The following WDR83 variants were observed in gnomAD, a reference collection of about 807,000 sequenced individuals.
WDR83 encodes WD repeat domain-containing protein 83.
A neutral mutation model predicts 37.7 loss-of-function variants in WDR83; 37 were observed. The observed-to-expected ratio is 0.98, with a 90% CI of 0.76 to 1.29. WDR83 has a LOEUF of 1.29. Among genes scored for constraint, WDR83 ranks in the 50% most tolerant of loss-of-function variants. The probability of loss-of-function intolerance (pLI) is 0.00; values close to 1 mark genes in which losing one functional copy is unlikely to be tolerated. For missense variants in WDR83, 445 were observed against 414.4 expected (o/e 1.07, Z -0.64); for synonymous variants, 174 against 181.1 (o/e 0.96, Z 0.31).
At chr19:12,668,980 C>G in intron 2 of WDR83, 2 of 805,552 alleles carry the variant, frequency 2.5e-6, no homozygotes, top group Admixed American at 4.6e-5. Context: ...CTGGGGCTTT[C>G]TCGGCCCAGC....
chr19:12,675,667 G>A lies in WDR83; in HGVS notation c.943G>A (p.Gly315Ser). The change falls in exon 11 of 11, where the codon GGC becomes AGC. Residue 315 changes from glycine (G) to serine (S), a missense_variant. Physicochemically the swap from Gly to Ser is moderately conservative, Grantham distance 56. Transcript: ENST00000418543. ...EEAYEAEDGA[G>S] The stretch of plus-strand genomic sequence containing the variant: ...GGCCTATGAGGCAGAGGATGGAGCA[G>A]GCTGAAGCCAGGGGACCCACCAACA... The A allele has an allele frequency of 6.2e-7, 1 of 1,600,632 alleles. No individual in the cohort carries two copies. The highest frequency in any genetic ancestry group is 8.5e-7 in the Non-Finnish European group (1 of 1,179,424).
rs1347857515 is a variant in WDR83, at chr19:12,675,630, C to T, written c.906C>T (p.Cys302=). ...LLTAMGGSVQ[C]WREEAYEAED... ...CCGCCATGGGAGGCAGCGTCCAGTG[C>T]TGGCGAGAGGAGGCCTATGAGGCAG... is the stretch of plus-strand genomic sequence containing the variant. Residue 302 remains cysteine, a synonymous_variant, in exon 11 of 11, where the codon TGC becomes TGT. Coordinates refer to ENST00000418543, the MANE Select transcript of WDR83 (RefSeq NM_001099737.3). 6.2e-7 allele frequency: 1 copy of T among 1,602,718 alleles called. No homozygotes were observed. The highest frequency in any genetic ancestry group is 8.5e-7 in the Non-Finnish European group (1 of 1,179,832).
intron 10 of WDR83, among the ~76,000 whole-genome samples, chr19:12,674,645 G>A (rs2024516428): frequency 6.6e-6 from 1 of 152,194 alleles, no homozygotes; most frequent in African/African-American, 2.4e-5. Flanking sequence ...ACCAGGGGAA[G>A]TGGGGATCAT....
intron 7 of WDR83, among the ~76,000 whole-genome samples, chr19:12,671,887 G>C (rs1245613907): frequency 1.3e-5 from 2 of 152,014 alleles, no homozygotes; most frequent in African/African-American, 4.8e-5. Flanking sequence ...TAGTAGAGAC[G>C]GGGTTTCGCC....
rs1435479291 is a variant in WDR83, at chr19:12,669,911, C to A, written c.103+18C>A. The A allele has an allele frequency of 6.2e-7, 1 of 1,601,458 alleles. No individual in the cohort carries two copies. Among genetic ancestry groups the A allele is most frequent in the Non-Finnish European group, 8.5e-7 (1 of 1,170,594 alleles). ...ATTTAATGGTGAGCGCCTTCGTCTT[C>A]ATTCCGGGTCCTCCTCCCGCCTCCT... is the stretch of plus-strand genomic sequence containing the variant. On this transcript the variant is annotated intron_variant, in intron 3 of 10. Coordinates refer to ENST00000418543, the MANE Select transcript of WDR83 (RefSeq NM_001099737.3).
Position 12,673,030 on chromosome 19 carries a change from C to T in WDR83, c.597C>T (p.Phe199=), listed in dbSNP as rs760102962. The change falls in exon 9 of 11, where the codon TTC becomes TTT. Residue 199 remains phenylalanine (F), a synonymous_variant. Coordinates refer to ENST00000418543, the MANE Select transcript of WDR83 (RefSeq NM_001099737.3). ...AAGGCCCCATCACCTGCACCTGCTTCAGCCGGGATGGGCAGTGCACCCTGG... is the reference window on the plus strand; with the variant it reads ...AAGGCCCCATCACCTGCACCTGCTTTAGCCGGGATGGGCAGTGCACCCTGG... The part of the protein sequence containing the change: ...YVGSPITCTC[F]SRDGQCTLVS... The T allele has an allele frequency of 1.9e-6, 3 of 1,613,340 alleles. No homozygotes were observed. Among genetic ancestry groups the T allele is most frequent in the Non-Finnish European group, 2.5e-6 (3 of 1,179,548 alleles).
At chr19:12,671,834 A>T (rs1162714495) in intron 7 of WDR83, among the ~76,000 whole-genome samples, 1 of 151,866 alleles carries the variant, frequency 6.6e-6, no homozygotes, top group African/African-American at 2.4e-5. Flanking sequence ...AGTAGCTGGG[A>T]CTACAGTCGC....
chr19:12,668,442 G>A (rs753555088), intron 1 of WDR83, 66 bp from the exon 2 acceptor site: 5 of 1,613,290 alleles, frequency 3.1e-6, no homozygotes, highest in African/African-American at 2.7e-5. Flanking sequence ...CAGGAGAGAG[G>A]TGTCAGTCTA....
intron 7 of WDR83, chr19:12,672,446 T>C: frequency 4.7e-6 from 1 of 213,110 alleles, no homozygotes; most frequent in Non-Finnish European, 9.8e-6. Context: ...CCGTCTCTAC[T>C]AAAAATACAA....
At position 12,670,745 on chromosome 19, in the gene WDR83, G is replaced by C. The variant is rs373869632; in HGVS notation, c.430G>C (p.Glu144Gln). The change falls in exon 7 of 11, where the codon GAG (glutamate) becomes CAG (glutamine). Residue 144 changes from glutamate to glutamine, a missense_variant. Transcript: ENST00000418543. ...TTGGGATTGCCGCTCACGGAGGCCT[G>C]AGCCAGTGCAGACGCTGGATGAGGC... ...RCWDCRSRRP[E>Q]PVQTLDEARD... The C allele has an allele frequency of 1.2e-6, 2 of 1,614,084 alleles. No individual in the cohort carries two copies. The highest frequency in any genetic ancestry group is 1.7e-6 in the Non-Finnish European group (2 of 1,180,050).
chr19:12,670,835 G>A lies in WDR83; in HGVS notation c.506+14G>A, dbSNP rs201289185. 1,611 of 1,609,610 alleles carry A rather than the reference G, an allele frequency of 1.0e-3. 26 individuals are homozygous for A. The South Asian group carries it at 0.017, about 17-fold the overall frequency. ...GATCCTGGCAGGGTGAGTGGAGCCA[G>A]GACCTGGTCTCACCCCAGGTGCTAC... On this transcript the variant is annotated intron_variant, in intron 7 of 10. Transcript: ENST00000418543.
intron 2 of WDR83, chr19:12,669,389 A>G: frequency 1.9e-6 from 3 of 1,600,280 alleles, no homozygotes; most frequent in South Asian, 2.2e-5. Flanking sequence ...GGTCCGACAT[A>G]TTGTTAGTGG....
rs1286671979 is a variant in WDR83, at chr19:12,673,037, G to T, written c.604G>T (p.Asp202Tyr). Residue 202 changes from aspartate (D) to tyrosine (Y), a missense_variant, in exon 9 of 11, where the codon GAT (aspartate) becomes TAT (tyrosine). Transcript: ENST00000418543. ...SPITCTCFSRDGQCTLVSSLD... is the reference protein window; with the variant it reads ...SPITCTCFSRYGQCTLVSSLD... ...CATCACCTGCACCTGCTTCAGCCGGGATGGGCAGTGCACCCTGGTGTCCAG... is the reference window on the plus strand; with the variant it reads ...CATCACCTGCACCTGCTTCAGCCGGTATGGGCAGTGCACCCTGGTGTCCAG... 1 of 1,613,834 alleles carries T rather than the reference G, an allele frequency of 6.2e-7. No homozygotes were observed. Among genetic ancestry groups the T allele is most frequent in the Non-Finnish European group, 8.5e-7 (1 of 1,179,774 alleles).
At chr19:12,671,631 G>A (rs577706007) in intron 7 of WDR83, among the ~76,000 whole-genome samples, 10 of 152,162 alleles carry the variant, frequency 6.6e-5, no homozygotes, top group Non-Finnish European at 8.8e-5. Flanking sequence ...CTGGGCGATA[G>A]AGCAAGACTC....
intron 2 of WDR83, chr19:12,669,147 A>G: frequency 1.2e-6 from 2 of 1,614,108 alleles, no homozygotes; most frequent in Non-Finnish European, 1.7e-6. Context: ...GAGGCCGCAC[A>G]TGCTGAAGAT....
intron 7 of WDR83, chr19:12,672,589 CAA>C (rs2024455336): frequency 2.0e-6 from 1 of 508,342 alleles, no homozygotes; most frequent in Non-Finnish European, 3.6e-6. Context: ...GCCTGAGCAA[CAA>C]GAGCAAAACT....
intron 2 of WDR83, chr19:12,669,551 C>T: frequency 4.7e-6 from 5 of 1,070,458 alleles, no homozygotes; most frequent in Non-Finnish European, 4.0e-6. Flanking sequence ...ACCCAGAGAA[C>T]GGAGATTTAG....
intron 7 of WDR83, chr19:12,672,288 A>C (rs1278882804): frequency 5.7e-6 from 1 of 174,764 alleles, no homozygotes. Context: ...CTGAGTACTG[A>C]GGAGGAGGAG....
At chr19:12,670,400 C>T (rs754698004) in intron 5 of WDR83, 115 bp downstream of exon 5, 90 of 1,500,890 alleles carry the variant, frequency 6.0e-5, no homozygotes, top group Middle Eastern at 1.9e-4. Context: ...ATGACGATCC[C>T]CCACTCCGCA....
Sources: allele counts gnomAD v4.1 joint callset (sites outside exome capture counted in the v4.1 genomes callset), GRCh38; gene constraint gnomAD v4.1.1; transcripts MANE v1.5; gene names NCBI Gene and HGNC (gene_info 2026-07-23, HGNC 2026-07-21).